The following KAZN variants were observed in gnomAD, a reference collection of about 807,000 sequenced individuals.
KAZN encodes the protein kazrin.
Under a neutral mutation model 87.4 loss-of-function variants are expected in KAZN, and 40 were observed. The observed-to-expected ratio is 0.46, with a 90% CI of 0.36 to 0.60. The LOEUF is 0.60. Among genes scored for constraint, KAZN ranks in the 20% least tolerant of loss-of-function variants. The pLI is 0.00. For missense variants in KAZN, 898 were observed against 1,073.9 expected, an observed-to-expected ratio of 0.84 and a Z score of 2.29; for synonymous variants, 466 against 458.3, an observed-to-expected ratio of 1.02 and a Z score of -0.22.
chr1:14,218,154 A>G (rs1378762461), intron 2 of KAZN, among the ~76,000 whole-genome samples: 2 of 152,160 alleles, frequency 1.3e-5, no homozygotes, highest in African/African-American at 4.8e-5. Flanking sequence ...AATAAATCAC[A>G]TGGGCAATTA....
intron 1 of KAZN, among the ~76,000 whole-genome samples, chr1:14,763,790 C>A (rs1023177663): frequency 3.3e-5 from 5 of 152,162 alleles, no homozygotes; most frequent in East Asian, 1.9e-4. Context: ...TGCTCTGTTG[C>A]CCAGGCTGCA....
chr1:14,220,076 G>A (rs1417933563), intron 2 of KAZN, among the ~76,000 whole-genome samples: 1 of 152,074 alleles, frequency 6.6e-6, no homozygotes, highest in Non-Finnish European at 1.5e-5. Flanking sequence ...CCTTCCAACT[G>A]TCCCTTTGGT....
rs182948971 is a variant in KAZN, at chr1:14,450,478, T to C, written c.250-148505T>C. Among the ~76,000 whole-genome samples the C allele has an allele frequency of 2.0e-4, 31 of 152,252 alleles. No homozygotes were observed. The East Asian group carries it at 5.2e-3, about 26-fold the overall frequency. ...GGTGGCAGGCACCTGTAATCCCAGC[T>C]ACTCAGGAGGCTGAGACAGGAGAAT... is the stretch of plus-strand genomic sequence containing the variant. On this transcript the variant is annotated intron_variant, in intron 2 of 16. Coordinates refer to the KAZN transcript ENST00000636203.
intron 2 of KAZN, among the ~76,000 whole-genome samples, chr1:14,341,230 C>T (rs905391548): frequency 6.6e-6 from 1 of 152,062 alleles, no homozygotes; most frequent in Admixed American, 6.5e-5. Flanking sequence ...TAGGCTTTAC[C>T]TTTTATTTTT....
intron 2 of KAZN, among the ~76,000 whole-genome samples, chr1:14,549,534 A>T (rs1237425237): frequency 6.6e-6 from 1 of 151,798 alleles, no homozygotes; most frequent in Non-Finnish European, 1.5e-5. Flanking sequence ...TCTCATCCTG[A>T]GGTTTCCAGG....
Position 14,985,028 on chromosome 1 carries a change from C to T in KAZN, c.418+24153C>T, listed in dbSNP as rs1666636475. On this transcript the variant is annotated intron_variant, in intron 2 of 14. Coordinates refer to ENST00000376030, the MANE Select transcript of KAZN (RefSeq NM_201628.3). ...GTGCTCACCTGTAGTCCCAGCTACT[C>T]AGGAGGCTGAAGCAGAAGAATCGCT... 2.0e-5 allele frequency among the ~76,000 whole-genome samples: 3 copies of T among 151,466 alleles called. No homozygotes were observed. The South Asian group carries it at 6.3e-4, about 32-fold the overall frequency.
In KAZN at chr1:15,094,421, A is replaced by C. The variant is rs745916842; in HGVS notation, c.1428+36A>C. 8 of 1,573,912 alleles carry C rather than the reference A, an allele frequency of 5.1e-6. No individual in the cohort carries two copies. Among genetic ancestry groups the C allele is most frequent in the African/African-American group, 1.3e-5 (1 of 74,240 alleles). ...CCGGGCCCCCTATGGGATGCCACCC[A>C]TGCCCTCTGTGAGCTTTACGTACCC... On this transcript the variant is annotated intron_variant, in intron 9 of 14. Coordinates refer to ENST00000376030, the MANE Select transcript of KAZN (RefSeq NM_201628.3). The surrounding 1 kb of genome is among the most constrained non-coding windows in gnomAD (Gnocchi z 4.5).
intron 2 of KAZN, among the ~76,000 whole-genome samples, chr1:14,245,708 C>G (rs10928055): frequency 0.27 from 41,273 of 152,016 alleles, 6,034 homozygotes; most frequent in East Asian, 0.39. Flanking sequence ...CACATCCCCA[C>G]CAGCTGTGTT....
intron 2 of KAZN, among the ~76,000 whole-genome samples, chr1:14,343,123 G>C (rs1657862078): frequency 6.6e-6 from 1 of 152,104 alleles, no homozygotes; most frequent in South Asian, 2.1e-4. Flanking sequence ...TCCAGCCTGG[G>C]AGACAAGAGC....
chr1:13,995,688 C>T (rs574743602), intron 1 of KAZN, among the ~76,000 whole-genome samples: 17 of 152,324 alleles, frequency 1.1e-4, no homozygotes, highest in African/African-American at 2.9e-4. Context: ...CTGGCCTAGC[C>T]TCTCAGCCTA....
rs732670 is a variant in KAZN at position 15,077,314 on chromosome 1, G to A, written c.1222+11561G>A. Among the ~76,000 whole-genome samples the A allele has an allele frequency of 1.0e-3, 156 of 152,132 alleles. 1 individual carries two copies. The highest frequency in any genetic ancestry group is 3.6e-3 in the African/African-American group (148 of 41,510). On this transcript the variant is annotated intron_variant, in intron 8 of 14. Transcript: ENST00000376030. This position sits in a 1 kb window ranked among gnomAD's most constrained non-coding sequence, Gnocchi z 4.8. ...GTCTTCCCCTGCGTGTGGAGTCCCCGGGCCTGCCTGGCTGTAGGCGCCCAT... is the reference window on the plus strand; with the variant it reads ...GTCTTCCCCTGCGTGTGGAGTCCCCAGGCCTGCCTGGCTGTAGGCGCCCAT...
intron 1 of KAZN, among the ~76,000 whole-genome samples, chr1:14,760,193 C>A (rs1644700635): frequency 6.6e-6 from 1 of 152,096 alleles, no homozygotes; most frequent in Non-Finnish European, 1.5e-5. Flanking sequence ...AACCCTCTTC[C>A]CACCCCCATT....
At chr1:14,791,108 A>C (rs1418002546) in intron 1 of KAZN, among the ~76,000 whole-genome samples, 1 of 151,994 alleles carries the variant, frequency 6.6e-6, no homozygotes, top group African/African-American at 2.4e-5. Context: ...TTAACAGACA[A>C]CCCTGCCCTC....
intron 1 of KAZN, among the ~76,000 whole-genome samples, chr1:14,867,752 C>T (rs1651652862): frequency 8.5e-6 from 1 of 117,246 alleles, no homozygotes; most frequent in South Asian, 3.2e-4. Context: ...GGCATGGAGG[C>T]ATTGGGGCAA....
At chr1:14,909,297 C>G (rs1341454646) in intron 1 of KAZN, among the ~76,000 whole-genome samples, 2 of 152,146 alleles carry the variant, frequency 1.3e-5, no homozygotes, top group Non-Finnish European at 2.9e-5. Context: ...GTGCCTTCTT[C>G]AGGCTCACAC....
chr1:14,794,522 C>T (rs77201354), intron 1 of KAZN, among the ~76,000 whole-genome samples: 9,922 of 152,208 alleles, frequency 0.065, 391 homozygotes, highest in African/African-American at 0.08. Context: ...GTTCTCACTG[C>T]GGGGCCAGGG....
intron 2 of KAZN, among the ~76,000 whole-genome samples, chr1:14,394,016 A>G (rs1164249405): frequency 6.6e-6 from 1 of 152,146 alleles, no homozygotes; most frequent in East Asian, 1.9e-4. Context: ...GGCAGCCTTG[A>G]TTGGCATTTA....
intron 2 of KAZN, among the ~76,000 whole-genome samples, chr1:14,236,831 G>A (rs905754698): frequency 6.6e-6 from 1 of 152,078 alleles, no homozygotes; most frequent in Non-Finnish European, 1.5e-5. Context: ...GGCTGAGGTG[G>A]CCAGATTGAT....
intron 1 of KAZN, among the ~76,000 whole-genome samples, chr1:14,148,412 C>G (rs1434620078): frequency 6.6e-6 from 1 of 152,142 alleles, no homozygotes; most frequent in East Asian, 1.9e-4. Context: ...AATTTAACAA[C>G]TAGCCTCAAT....
Sources: allele counts gnomAD v4.1 joint callset (sites outside exome capture counted in the v4.1 genomes callset), GRCh38; gene constraint gnomAD v4.1.1; non-coding constraint Gnocchi (gnomAD v3.1); transcripts MANE v1.5; gene names NCBI Gene and HGNC (gene_info 2026-07-23, HGNC 2026-07-21).